The following PDE4D variants were observed in gnomAD, a reference collection of about 807,000 sequenced individuals.
PDE4D encodes the protein phosphodiesterase 4D, also known as 3',5'-cyclic-AMP phosphodiesterase 4D.
Under a neutral mutation model 87.4 loss-of-function variants are expected in PDE4D, and 24 were observed. The observed-to-expected ratio is 0.27, with a 90% confidence interval of 0.20 to 0.39. The LOEUF is 0.39. PDE4D is among the 10% of genes least tolerant of loss of function. PDE4D has a pLI of 1.00. For missense variants in PDE4D, 714 were observed against 1,041.0 expected, an observed-to-expected ratio of 0.69 and a Z score of 4.32; for synonymous variants, 384 against 383.2, an observed-to-expected ratio of 1.00 and a Z score of -0.02.
chr5:59,608,970 A>T (rs1248669159), intron 1 of PDE4D, among the ~76,000 whole-genome samples: 1 of 152,150 alleles, frequency 6.6e-6, no homozygotes, highest in African/African-American at 2.4e-5. Context: ...AGAGGCCCAC[A>T]TGGCAAGGAG....
intron 1 of PDE4D, among the ~76,000 whole-genome samples, chr5:59,300,111 CAAAAAAAAAAAA>C (rs58771016): frequency 1.2e-4 from 6 of 48,758 alleles, no homozygotes; most frequent in African/African-American, 4.6e-4. Context: ...GGGTCTGTCT[CAAAAAAAAAAAA>C]AAAAAAAAAA....
At chr5:59,797,624 T>A (rs938963006) in intron 1 of PDE4D, among the ~76,000 whole-genome samples, 1 of 152,152 alleles carries the variant, frequency 6.6e-6, no homozygotes, top group East Asian at 1.9e-4. Context: ...CTGATATTAA[T>A]AACACATAAA....
chr5:59,776,968 G>A (rs1764139123), intron 1 of PDE4D, among the ~76,000 whole-genome samples: 1 of 152,132 alleles, frequency 6.6e-6, no homozygotes, highest in Admixed American at 6.6e-5. Context: ...ATATGTTAAT[G>A]TGATTTGTGA....
chr5:60,006,502 G>A (rs1764490180), intron 2 of PDE4D, among the ~76,000 whole-genome samples: 2 of 151,832 alleles, frequency 1.3e-5, no homozygotes, highest in African/African-American at 4.8e-5. Flanking sequence ...CCTAAGGCTG[G>A]CTCTAAAACT....
At chr5:59,660,528 G>A (rs1439134604) in intron 1 of PDE4D, among the ~76,000 whole-genome samples, 6 of 151,922 alleles carry the variant, frequency 3.9e-5, no homozygotes, top group Admixed American at 1.3e-4. Context: ...AGAGCCACCT[G>A]ACTACAGTTA....
At chr5:60,397,898 A>C (rs188085358) in intron 1 of PDE4D, among the ~76,000 whole-genome samples, 1 of 152,288 alleles carries the variant, frequency 6.6e-6, no homozygotes, top group East Asian at 1.9e-4. Context: ...AACTTACCCT[A>C]ATCAATTTGT....
At chr5:59,324,326 G>A (rs1359599516) in intron 1 of PDE4D, among the ~76,000 whole-genome samples, 1 of 152,102 alleles carries the variant, frequency 6.6e-6, no homozygotes, top group African/African-American at 2.4e-5. Flanking sequence ...GGCCCCCAGT[G>A]AAATTCAAAT....
chr5:59,039,355 C>G, intron 5 of PDE4D: 1 of 1,030,450 alleles, frequency 9.7e-7, no homozygotes, highest in South Asian at 3.4e-5. Flanking sequence ...GTGGCGAGCG[C>G]GCTTGGGTGC....
intron 2 of PDE4D, among the ~76,000 whole-genome samples, chr5:60,033,834 C>T (rs1767504804): frequency 6.6e-6 from 1 of 152,140 alleles, no homozygotes; most frequent in Non-Finnish European, 1.5e-5. Flanking sequence ...AGAAATTTGG[C>T]AATAGGCATG....
chr5:59,522,648 G>A (rs891056211), intron 1 of PDE4D, among the ~76,000 whole-genome samples: 1 of 152,124 alleles, frequency 6.6e-6, no homozygotes, highest in Non-Finnish European at 1.5e-5. Flanking sequence ...ATTAAATTGC[G>A]AATTCTGGGC....
intron 1 of PDE4D, among the ~76,000 whole-genome samples, chr5:60,370,498 A>G (rs1394703432): frequency 6.6e-6 from 1 of 152,242 alleles, no homozygotes; most frequent in Non-Finnish European, 1.5e-5. Context: ...AAAGGCAAGA[A>G]TACAAATCAA....
chr5:59,901,295 A>G (rs2152762601), intron 3 of PDE4D, among the ~76,000 whole-genome samples: 1 of 152,358 alleles, frequency 6.6e-6, no homozygotes, highest in South Asian at 2.1e-4. Flanking sequence ...TACCAGTTGA[A>G]GACTGGTTTA....
chr5:59,956,009 T>A (rs964951287), intron 3 of PDE4D, among the ~76,000 whole-genome samples: 4 of 152,178 alleles, frequency 2.6e-5, no homozygotes, highest in Non-Finnish European at 5.9e-5. Flanking sequence ...GAAGAAAGAA[T>A]AAAAGCTCAC....
In PDE4D at chr5:59,657,368, C is replaced by T. The variant is rs1399502375; in HGVS notation, c.455+235800G>A. On this transcript the variant is annotated intron_variant, in intron 1 of 14. Coordinates refer to ENST00000340635, the MANE Select transcript of PDE4D (RefSeq NM_001104631.2). Reference sequence around the variant, plus strand: ...TCCATACAAGGCTTGTGATTTTTTCCCCCATCTTGCCAATAAGTAGATTTT... The same window carrying T: ...TCCATACAAGGCTTGTGATTTTTTCTCCCATCTTGCCAATAAGTAGATTTT... 4.6e-5 allele frequency among the ~76,000 whole-genome samples: 7 copies of T among 152,172 alleles called. No homozygotes were observed. The East Asian group carries it at 7.7e-4, about 17-fold the overall frequency.
chr5:59,484,848 G>A (rs944705946), intron 1 of PDE4D, among the ~76,000 whole-genome samples: 6 of 152,048 alleles, frequency 3.9e-5, no homozygotes, highest in African/African-American at 1.5e-4. Flanking sequence ...AAAATGTAAT[G>A]TGGGTCAACT....
At chr5:59,155,169 T>G (rs1370994370) in intron 5 of PDE4D, among the ~76,000 whole-genome samples, 1 of 152,068 alleles carries the variant, frequency 6.6e-6, no homozygotes, top group Non-Finnish European at 1.5e-5. Context: ...ATGAGGTACA[T>G]GAAAACATCT....
intron 5 of PDE4D, among the ~76,000 whole-genome samples, chr5:59,118,153 T>C (rs891507578): frequency 8.5e-5 from 13 of 152,204 alleles, no homozygotes; most frequent in African/African-American, 3.1e-4. Flanking sequence ...AGGGCTTACA[T>C]TGCCCTTTAA....
chr5:59,002,343 CACACTGTCCT>C (rs886085597), intron 6 of PDE4D, among the ~76,000 whole-genome samples: 3 of 152,144 alleles, frequency 2.0e-5, no homozygotes, highest in African/African-American at 7.2e-5. Flanking sequence ...CTTAATGAGC[CACACTGTCCT>C]ACACTGAATC....
intron 6 of PDE4D, among the ~76,000 whole-genome samples, chr5:59,006,051 T>A (rs1751536754): frequency 1.3e-5 from 2 of 152,220 alleles, no homozygotes; most frequent in Non-Finnish European, 2.9e-5. Context: ...CACGCTTATG[T>A]TTGGGAGCGC....
Sources: gnomAD v4.1 joint callset for allele counts (sites outside exome capture counted in the v4.1 genomes callset) on GRCh38, gnomAD v4.1.1 for gene constraint, MANE v1.5 for transcripts, NCBI Gene and HGNC (gene_info 2026-07-23, HGNC 2026-07-21) for gene names.